The following TMEM117 variants were observed in gnomAD, a reference collection of about 807,000 sequenced individuals.
The protein encoded by TMEM117 is transmembrane protein 117.
A neutral mutation model predicts 52.4 loss-of-function variants in TMEM117; 27 were observed. That is an observed-to-expected ratio of 0.51 (90% CI 0.38 to 0.71). TMEM117 has a LOEUF of 0.71. TMEM117 is among the 30% of genes least tolerant of loss of function. The pLI, the probability that TMEM117 is intolerant of heterozygous loss-of-function variation, is 0.00. For missense variants in TMEM117, 556 were observed against 630.5 expected (o/e 0.88, Z 1.26); for synonymous variants, 215 against 206.3 (o/e 1.04, Z -0.36).
At chr12:43,923,758 G>A (rs1944732650) in intron 2 of TMEM117, among the ~76,000 whole-genome samples, 1 of 152,134 alleles carries the variant, frequency 6.6e-6, no homozygotes, top group African/African-American at 2.4e-5. Flanking sequence ...ACAGAGTCAT[G>A]TAAAACCATT....
At chr12:43,978,115 A>C (rs762638436) in intron 3 of TMEM117, among the ~76,000 whole-genome samples, 2 of 152,116 alleles carry the variant, frequency 1.3e-5, no homozygotes, top group Non-Finnish European at 2.9e-5. Flanking sequence ...TTGTTCAGTT[A>C]AGTTCCTCCA....
intron 2 of TMEM117, among the ~76,000 whole-genome samples, chr12:43,914,162 C>T (rs550191133): frequency 5.3e-5 from 8 of 152,134 alleles, no homozygotes; most frequent in Non-Finnish European, 8.8e-5. Flanking sequence ...ATGGGAGAGT[C>T]GGGGGACATG....
intron 3 of TMEM117, among the ~76,000 whole-genome samples, chr12:44,038,321 A>G (rs1273337133): frequency 6.6e-6 from 1 of 152,150 alleles, no homozygotes; most frequent in African/African-American, 2.4e-5. Flanking sequence ...AGTTCCTGGC[A>G]TCTTCAAGCT....
chr12:43,915,306 T>A (rs1944582261), intron 2 of TMEM117, among the ~76,000 whole-genome samples: 1 of 152,148 alleles, frequency 6.6e-6, no homozygotes, highest in Non-Finnish European at 1.5e-5. Context: ...TTGTGCCAGG[T>A]GGCTGGAAAC....
chr12:44,364,391 G>C (rs1951762953), intron 6 of TMEM117, among the ~76,000 whole-genome samples: 1 of 151,880 alleles, frequency 6.6e-6, no homozygotes, highest in African/African-American at 2.4e-5. Flanking sequence ...TATGCCTAAG[G>C]ATATAATTTG....
chr12:43,809,703 T>A, the TMEM117 span, among the ~76,000 whole-genome samples: 1 of 152,208 alleles, frequency 6.6e-6, no homozygotes, highest in Non-Finnish European at 1.5e-5. Flanking sequence ...CTGCTGTGTT[T>A]TGTGTAACAC....
intron 4 of TMEM117, among the ~76,000 whole-genome samples, chr12:44,153,928 G>A (rs1308539052): frequency 6.6e-6 from 1 of 151,936 alleles, no homozygotes; most frequent in African/African-American, 2.4e-5. Flanking sequence ...TGAACACAGG[G>A]AATACAATAT....
At chr12:44,279,287 A>G (rs550812214) in intron 5 of TMEM117, among the ~76,000 whole-genome samples, 1 of 152,266 alleles carries the variant, frequency 6.6e-6, no homozygotes, top group East Asian at 1.9e-4. Flanking sequence ...TAAAGTACTA[A>G]ATACCTTTGC....
chr12:44,347,152 A>G (rs970050726), intron 6 of TMEM117, among the ~76,000 whole-genome samples: 4 of 152,050 alleles, frequency 2.6e-5, no homozygotes, highest in Non-Finnish European at 5.9e-5. Flanking sequence ...ACTTAAATCA[A>G]TCCTACCTAT....
At chr12:44,298,381 G>A (rs1208947946) in intron 5 of TMEM117, among the ~76,000 whole-genome samples, 2 of 147,450 alleles carry the variant, frequency 1.4e-5, no homozygotes, top group Non-Finnish European at 3.0e-5. Context: ...TTTCTTTCTT[G>A]CATTTTTATC....
At chr12:44,243,272 T>C (rs73102957) in intron 5 of TMEM117, among the ~76,000 whole-genome samples, 2 of 152,086 alleles carry the variant, frequency 1.3e-5, no homozygotes, top group Non-Finnish European at 2.9e-5. Flanking sequence ...TTTTCAATGA[T>C]AGCATTATCA....
intron 5 of TMEM117, among the ~76,000 whole-genome samples, chr12:44,252,586 C>G (rs749921962): frequency 2.0e-5 from 3 of 152,136 alleles, no homozygotes; most frequent in Non-Finnish European, 4.4e-5. Context: ...GCTCCCAATC[C>G]CTATTATGTA....
intron 3 of TMEM117, among the ~76,000 whole-genome samples, chr12:44,069,275 A>T (rs531070551): frequency 4.6e-5 from 7 of 152,156 alleles, no homozygotes; most frequent in Non-Finnish European, 1.0e-4. Context: ...TATATATGGG[A>T]TTTATATTAA....
rs148416813 is a variant in TMEM117 at position 44,383,947 on chromosome 12, T to C, written c.899-4079T>C. 2.1e-4 allele frequency among the ~76,000 whole-genome samples: 32 copies of C among 152,314 alleles called. 1 individual carries two copies. The East Asian group carries it at 5.0e-3, about 24-fold the overall frequency. On this transcript the variant is annotated intron_variant, in intron 7 of 7. Transcript: ENST00000266534. ...TGGCCCAGCATAAAACACTAAGATT[T>C]AGGCAATGTTTATTTCACAGACTCA... is the stretch of plus-strand genomic sequence containing the variant.
At chr12:44,316,996 C>CTTTTTTTTTTTTTTTTTT in intron 6 of TMEM117, among the ~76,000 whole-genome samples, 1 of 136,550 alleles carries the variant, frequency 7.3e-6, no homozygotes, top group Admixed American at 7.3e-5. Context: ...ATTTCTTTTT[C>CTTTTTTTTTTTTTTTTTT]TTTTTCTTTT....
At chr12:44,129,403 C>A (rs770527620) in intron 3 of TMEM117, among the ~76,000 whole-genome samples, 1 of 152,170 alleles carries the variant, frequency 6.6e-6, no homozygotes, top group Admixed American at 6.5e-5. Flanking sequence ...CTCTTTTCCT[C>A]CCTGGTGATC....
At chr12:44,143,463 A>T in intron 3 of TMEM117, 62 bp from the exon 4 acceptor site, 1 of 1,302,010 alleles carries the variant, frequency 7.7e-7, no homozygotes, top group Non-Finnish European at 1.1e-6. Context: ...TTGCTGAACC[A>T]GAAAGCCTTA....
intron 2 of TMEM117, among the ~76,000 whole-genome samples, chr12:43,872,270 C>G (rs185335628): frequency 2.0e-5 from 3 of 152,232 alleles, no homozygotes; most frequent in Admixed American, 1.3e-4. Flanking sequence ...CTATTTTTGG[C>G]TTATATCCTG....
At chr12:44,023,717 G>A (rs1946488741) in intron 3 of TMEM117, among the ~76,000 whole-genome samples, 1 of 149,400 alleles carries the variant, frequency 6.7e-6, no homozygotes, top group South Asian at 2.1e-4. Context: ...TGTAGATTCT[G>A]GATATTAGCC....
Sources: allele counts gnomAD v4.1 joint callset (sites outside exome capture counted in the v4.1 genomes callset), GRCh38; gene constraint gnomAD v4.1.1; transcripts MANE v1.5; gene names NCBI Gene and HGNC (gene_info 2026-07-23, HGNC 2026-07-21).